LMX1B: variants seen among roughly 807,000 people sequenced by gnomAD.
The protein encoded by LMX1B is LIM homeobox transcription factor 1 beta, also known as LIM homeobox transcription factor 1-beta.
LMX1B carries 12 observed loss-of-function variants against 51.4 expected under a neutral mutation model. That is an observed-to-expected ratio of 0.23 (90% CI 0.15 to 0.38). The LOEUF is 0.38. Ranked by LOEUF, LMX1B falls within the 10% of genes least tolerant of loss-of-function variation. The pLI, the probability that LMX1B is intolerant of heterozygous loss-of-function variation, is 1.00. For missense variants in LMX1B, 445 were observed against 571.1 expected, an observed-to-expected ratio of 0.78 and a Z score of 2.25; for synonymous variants, 237 against 235.4, an observed-to-expected ratio of 1.01 and a Z score of -0.06.
chr9:126,694,706 G>A (rs904817014), intron 6 of LMX1B, among the ~76,000 whole-genome samples: 1 of 152,184 alleles, frequency 6.6e-6, no homozygotes, highest in Non-Finnish European at 1.5e-5. Flanking sequence ...AGTGTCCCAG[G>A]CTGGACTTGG....
chr9:126,621,652 C>CCTTTTTTTTTTTT (rs1564145908), intron 2 of LMX1B, among the ~76,000 whole-genome samples: 2 of 100,306 alleles, frequency 2.0e-5, no homozygotes, highest in African/African-American at 4.6e-5. Context: ...CTCTCTCTCT[C>CCTTTTTTTTTTTT]TTCTTTTTTT....
Position 126,695,263 on chromosome 9 carries a change from C to T in LMX1B, c.887-576C>T, listed in dbSNP as rs1053284194. ...CGGCCTCGGGGACCCCCACCCAGCTCGGCACCCCAGGGCTCCCCATGACCT... is the reference window on the plus strand; with the variant it reads ...CGGCCTCGGGGACCCCCACCCAGCTTGGCACCCCAGGGCTCCCCATGACCT... On this transcript the variant is annotated intron_variant, in intron 6 of 7. Transcript: ENST00000373474. The surrounding 1 kb of genome is among the most constrained non-coding windows in gnomAD (Gnocchi z 5.2). Among the ~76,000 whole-genome samples, 31 of 152,172 alleles carry T rather than the reference C, an allele frequency of 2.0e-4. No homozygotes were observed. The highest frequency in any genetic ancestry group is 3.2e-4 in the Non-Finnish European group (22 of 68,018).
At chr9:126,664,216 C>T (rs1276472877) in intron 2 of LMX1B, among the ~76,000 whole-genome samples, 2 of 152,196 alleles carry the variant, frequency 1.3e-5, no homozygotes, top group African/African-American at 4.8e-5. Flanking sequence ...AGGGGAGCCG[C>T]GCCATACTCC....
chr9:126,630,416 G>A (rs139676744), intron 2 of LMX1B, among the ~76,000 whole-genome samples: 2 of 152,188 alleles, frequency 1.3e-5, no homozygotes, highest in African/African-American at 4.8e-5. Flanking sequence ...CCTGGCAGTA[G>A]GCAGGGCACA....
intron 2 of LMX1B, among the ~76,000 whole-genome samples, chr9:126,629,484 C>T (rs1588268073): frequency 6.6e-6 from 1 of 152,164 alleles, no homozygotes; most frequent in Admixed American, 6.5e-5. Context: ...CCCAAGGTCA[C>T]ACAGCTAGTA....
chr9:126,623,419 A>G (rs368577497), intron 2 of LMX1B, among the ~76,000 whole-genome samples: 80 of 152,362 alleles, frequency 5.3e-4, no homozygotes, highest in African/African-American at 1.8e-3. Context: ...AGGGCAAGGC[A>G]TTGGCGTTTG....
chr9:126,653,278 C>A (rs901183957), intron 2 of LMX1B, among the ~76,000 whole-genome samples: 1 of 151,508 alleles, frequency 6.6e-6, no homozygotes, highest in Non-Finnish European at 1.5e-5. Context: ...TCAGCTACCC[C>A]CGATGAGCTG....
chr9:126,629,176 C>T (rs946386509), intron 2 of LMX1B, among the ~76,000 whole-genome samples: 1 of 152,078 alleles, frequency 6.6e-6, no homozygotes, highest in Non-Finnish European at 1.5e-5. Flanking sequence ...AGAGGAAGCC[C>T]ACAGAAGCCT....
In LMX1B at chr9:126,614,600, G is replaced by T; in HGVS notation, c.139+12G>T. On this transcript the variant is annotated intron_variant, in intron 1 of 7. Transcript: ENST00000373474. ...GGGGGTGCTGCTGGGTGAGTGCGGG[G>T]TCGGAACGCCCGAGTGGTCTCGGGC... The T allele has an allele frequency of 6.3e-7, 1 of 1,577,208 alleles. No homozygotes were observed.
In LMX1B at chr9:126,697,885, TTTTG is replaced by T. The variant is rs2085651808; in HGVS notation, c.*1439_*1442del. On this transcript the variant is annotated 3_prime_UTR_variant, in exon 8 of 8. Transcript: ENST00000373474. ...TTTTGTTTTGTTTTGTTTTGTTTTG[TTTTG>T]TTTGAGACGGAGTTTCGCTCTTGTT... 1 of 153,086 alleles carries T rather than the reference TTTTG, an allele frequency of 6.5e-6. No homozygotes were observed. The highest frequency in any genetic ancestry group is 2.6e-5 in the African/African-American group (1 of 39,074). The allele number at this position is 153,086 out of a possible 1,614,324, so 9.5% of individuals were successfully genotyped here.
At chr9:126,644,432 TA>T (rs1273426327) in intron 2 of LMX1B, among the ~76,000 whole-genome samples, 1 of 152,140 alleles carries the variant, frequency 6.6e-6, no homozygotes, top group African/African-American at 2.4e-5. Context: ...TCTCCCACAC[TA>T]TTCTTCTCCC....
At chr9:126,686,797 AT>A (rs2029910615) in intron 2 of LMX1B, among the ~76,000 whole-genome samples, 1 of 152,220 alleles carries the variant, frequency 6.6e-6, no homozygotes, top group African/African-American at 2.4e-5. Flanking sequence ...TTCTGTGCTC[AT>A]CTGTAAAATG....
At position 126,670,589 on chromosome 9, in the gene LMX1B, A is replaced by G. The variant is rs144512623; in HGVS notation, c.327-20247A>G. ...GAGTACACGTATGCACACATTGTCA[A>G]CATACACATATGTATTGACAGGCAT... On this transcript the variant is annotated intron_variant, in intron 2 of 7. Transcript: ENST00000373474. Among the ~76,000 whole-genome samples, 13 of 152,306 alleles carry G rather than the reference A, an allele frequency of 8.5e-5. No individual in the cohort carries two copies. The East Asian group carries it at 2.5e-3, about 29-fold the overall frequency.
chr9:126,615,400 C>T lies in LMX1B; in HGVS notation c.157C>T (p.Pro53Ser). 6.2e-7 allele frequency: 1 copy of T among 1,602,860 alleles called. No homozygotes were observed. Among genetic ancestry groups the T allele is most frequent in the Non-Finnish European group, 8.5e-7 (1 of 1,175,804 alleles). Reference sequence around the variant, plus strand: ...CGCTACAGGCTCCGACTGCCCGCATCCCGCCGTCTGCGAGGGCTGCCAGCG... The same window carrying T: ...CGCTACAGGCTCCGACTGCCCGCATTCCGCCGTCTGCGAGGGCTGCCAGCG... ...GVLLGSDCPH[P>S]AVCEGCQRPI... The change falls in exon 2 of 8, where the codon CCC (proline) becomes TCC (serine). Residue 53 changes from proline to serine, a missense_variant. Pro to Ser is a moderately conservative substitution (Grantham distance 74, BLOSUM62 -1). Transcript: ENST00000373474. The surrounding 1 kb of genome is among the most constrained non-coding windows in gnomAD (Gnocchi z 6.0).
At chr9:126,667,452 C>A (rs142115905) in intron 2 of LMX1B, among the ~76,000 whole-genome samples, 223 of 152,338 alleles carry the variant, frequency 1.5e-3, no homozygotes, top group Non-Finnish European at 2.7e-3. Flanking sequence ...GTACATATAT[C>A]TTTGTGCGCA....
intron 2 of LMX1B, among the ~76,000 whole-genome samples, chr9:126,627,691 C>T (rs2118852883): frequency 6.6e-6 from 1 of 152,224 alleles, no homozygotes; most frequent in African/African-American, 2.4e-5. Flanking sequence ...CAGTTGAGTG[C>T]AGCAGGGCCA....
At chr9:126,669,094 C>G (rs931026750) in intron 2 of LMX1B, among the ~76,000 whole-genome samples, 1 of 152,198 alleles carries the variant, frequency 6.6e-6, no homozygotes, top group East Asian at 1.9e-4. Flanking sequence ...CCTGAGCAGT[C>G]CTGGACCCCG....
chr9:126,676,003 C>G (rs1446984142), intron 2 of LMX1B, among the ~76,000 whole-genome samples: 1 of 142,166 alleles, frequency 7.0e-6, no homozygotes, highest in East Asian at 2.2e-4. Flanking sequence ...GAGCCGAGAT[C>G]GCGCCACTGC....
chr9:126,619,361 ACTT>A (rs1835367012), intron 2 of LMX1B, among the ~76,000 whole-genome samples: 2 of 152,140 alleles, frequency 1.3e-5, no homozygotes, highest in African/African-American at 2.4e-5. Flanking sequence ...TTCTCTGGCT[ACTT>A]CTTCTGCCAG....
Sources: gnomAD v4.1 joint callset for allele counts (sites outside exome capture counted in the v4.1 genomes callset) on GRCh38, gnomAD v4.1.1 for gene constraint, Gnocchi (gnomAD v3.1) non-coding constraint, MANE v1.5 for transcripts, NCBI Gene and HGNC (gene_info 2026-07-23, HGNC 2026-07-21) for gene names.